The following CORO2B variants were observed in gnomAD, a reference collection of about 807,000 sequenced individuals.
CORO2B encodes the protein coronin-2B.
Under a neutral mutation model 58.8 loss-of-function variants are expected in CORO2B, and 26 were observed. The ratio of observed to expected loss-of-function variants is 0.44; its 90% CI spans 0.32 to 0.61. The LOEUF (loss-of-function observed/expected upper bound fraction) is 0.61. Ranked by LOEUF, CORO2B falls within the 20% of genes least tolerant of loss-of-function variation. The probability of loss-of-function intolerance (pLI) is 0.04; values close to 1 mark genes in which losing one functional copy is unlikely to be tolerated. For synonymous variants in CORO2B, 242 were observed against 253.8 expected, an observed-to-expected ratio of 0.95 and a Z score of 0.44; for missense variants, 460 against 645.1, an observed-to-expected ratio of 0.71 and a Z score of 3.11.
chr15:68,537,436 A>G, the CORO2B span, among the ~76,000 whole-genome samples: 6 of 152,348 alleles, frequency 3.9e-5, no homozygotes, highest in African/African-American at 1.4e-4. Context: ...CCATGGCTGT[A>G]GTAGGTCAGA....
rs775169470 is a variant in CORO2B, at chr15:68,725,902, C to T, written c.1371C>T (p.Ala457=). The change falls in exon 12 of 12, where the codon GCC becomes GCT. Residue 457 remains alanine, a synonymous_variant. Coordinates refer to ENST00000261861, the MANE Select transcript of CORO2B (RefSeq NM_006091.5). ...DEIRRLKEEL[A]QKDIRIRQLQ... is the part of the protein sequence containing the mutation. The stretch of plus-strand genomic sequence containing the variant: ...TTCGACGGTTGAAAGAGGAGCTGGC[C>T]CAGAAGGACATCCGCATTCGGCAGC... 1.9e-6 allele frequency: 3 copies of T among 1,614,006 alleles called. No individual in the cohort carries two copies. The South Asian group carries it at 3.3e-5, about 18-fold the overall frequency.
the CORO2B span, among the ~76,000 whole-genome samples, chr15:68,560,698 C>G: frequency 6.6e-6 from 1 of 152,236 alleles, no homozygotes; most frequent in Non-Finnish European, 1.5e-5. Context: ...TTCCTCCTCT[C>G]TGCTCCTTGC....
At chr15:68,620,005 G>A (rs1276426308) in intron 1 of CORO2B, among the ~76,000 whole-genome samples, 2 of 151,984 alleles carry the variant, frequency 1.3e-5, no homozygotes, top group African/African-American at 2.4e-5. Context: ...TTTGCTTCCC[G>A]GGTTCAAGCA....
At chr15:68,678,610 G>T (rs1221338709) in intron 2 of CORO2B, among the ~76,000 whole-genome samples, 3 of 152,156 alleles carry the variant, frequency 2.0e-5, no homozygotes, top group African/African-American at 4.8e-5. Context: ...GGAGACAGAG[G>T]TTGCAGTGAG....
At chr15:68,675,635 CAAAT>C (rs1172577643) in intron 2 of CORO2B, among the ~76,000 whole-genome samples, 1 of 152,118 alleles carries the variant, frequency 6.6e-6, no homozygotes, top group Non-Finnish European at 1.5e-5. Context: ...TAGTGAGACT[CAAAT>C]AAGATGTTTA....
chr15:68,633,910 C>T (rs766073429), intron 1 of CORO2B, among the ~76,000 whole-genome samples: 51 of 152,190 alleles, frequency 3.4e-4, no homozygotes, highest in Non-Finnish European at 1.2e-4. Flanking sequence ...TTCTGCATTG[C>T]CAGGTGACAG....
chr15:68,661,018 C>T (rs530623869), intron 2 of CORO2B, among the ~76,000 whole-genome samples: 446 of 151,252 alleles, frequency 2.9e-3, no homozygotes, highest in Middle Eastern at 0.01. Context: ...TTTGCTGTCG[C>T]CCAGGCTGGA....
At chr15:68,649,622 A>C (rs1595989256) in intron 2 of CORO2B, among the ~76,000 whole-genome samples, 1 of 152,238 alleles carries the variant, frequency 6.6e-6, no homozygotes, top group Non-Finnish European at 1.5e-5. Flanking sequence ...GTCAATAGTT[A>C]GCATATTCAA....
intron 2 of CORO2B, among the ~76,000 whole-genome samples, chr15:68,664,784 C>T (rs941081428): frequency 1.3e-5 from 2 of 152,130 alleles, no homozygotes; most frequent in African/African-American, 4.8e-5. Flanking sequence ...TTGAAAATAT[C>T]GTCGTATGCT....
At chr15:68,665,011 G>GTCCTT (rs1555414880) in intron 2 of CORO2B, among the ~76,000 whole-genome samples, 3 of 151,890 alleles carry the variant, frequency 2.0e-5, no homozygotes, top group Non-Finnish European at 4.4e-5. Context: ...AAGTTTACCA[G>GTCCTT]TCTTTTATGG....
intron 2 of CORO2B, among the ~76,000 whole-genome samples, chr15:68,668,277 G>A (rs1050343160): frequency 7.0e-6 from 1 of 143,694 alleles, no homozygotes; most frequent in Non-Finnish European, 1.6e-5. Context: ...GCCCAGGGCT[G>A]GGGAGGGGGG....
At chr15:68,526,469 G>T in the CORO2B span, among the ~76,000 whole-genome samples, 1 of 152,206 alleles carries the variant, frequency 6.6e-6, no homozygotes, top group African/African-American at 2.4e-5. Flanking sequence ...CCTCATTGTG[G>T]TTTAGGCTTT....
At chr15:68,639,650 C>T (rs1350084014) in intron 1 of CORO2B, among the ~76,000 whole-genome samples, 1 of 152,218 alleles carries the variant, frequency 6.6e-6, no homozygotes, top group African/African-American at 2.4e-5. Context: ...TCCACATCGT[C>T]CTTAATCGGA....
At chr15:68,583,809 C>G (rs923883422) in intron 1 of CORO2B, among the ~76,000 whole-genome samples, 1 of 152,224 alleles carries the variant, frequency 6.6e-6, no homozygotes, top group Non-Finnish European at 1.5e-5. Context: ...AGAGAGCCAG[C>G]ACCTCAGGAA....
intron 1 of CORO2B, among the ~76,000 whole-genome samples, chr15:68,640,905 A>G (rs1320015606): frequency 6.6e-6 from 1 of 152,212 alleles, no homozygotes; most frequent in Non-Finnish European, 1.5e-5. Flanking sequence ...CAAGGTCAGT[A>G]GGAGTCTGAA....
intron 1 of CORO2B, among the ~76,000 whole-genome samples, chr15:68,608,182 G>A (rs1461451246): frequency 3.9e-5 from 6 of 152,262 alleles, no homozygotes; most frequent in Non-Finnish European, 5.9e-5. Context: ...CCAGACATGG[G>A]GGGCCTGAGC....
chr15:68,582,081 T>A (rs1453610078), intron 1 of CORO2B, among the ~76,000 whole-genome samples: 1 of 152,134 alleles, frequency 6.6e-6, no homozygotes, highest in Non-Finnish European at 1.5e-5. Flanking sequence ...GGTGAGCCTG[T>A]TTTCCATTTT....
At chr15:68,649,233 A>G (rs1364721504) in intron 2 of CORO2B, among the ~76,000 whole-genome samples, 4 of 152,178 alleles carry the variant, frequency 2.6e-5, no homozygotes, top group Non-Finnish European at 1.5e-5. Flanking sequence ...TGTATTTGAT[A>G]TATATCTTTT....
At chr15:68,684,482 G>A (rs1213859824) in intron 2 of CORO2B, among the ~76,000 whole-genome samples, 1 of 152,244 alleles carries the variant, frequency 6.6e-6, no homozygotes, top group African/African-American at 2.4e-5. Context: ...AGCTTGTATG[G>A]CACGTACATA....
Sources: allele counts gnomAD v4.1 joint callset (sites outside exome capture counted in the v4.1 genomes callset), GRCh38; gene constraint gnomAD v4.1.1; transcripts MANE v1.5; gene names NCBI Gene and HGNC (gene_info 2026-07-23, HGNC 2026-07-21).